FAM135B: variants seen among roughly 807,000 people sequenced by gnomAD.
The protein encoded by FAM135B is protein FAM135B.
Under a neutral mutation model 127.7 loss-of-function variants are expected in FAM135B, and 43 were observed. That is an observed-to-expected ratio of 0.34 (90% CI 0.26 to 0.43). The LOEUF is 0.43. Among genes scored for constraint, FAM135B ranks in the 20% least tolerant of loss-of-function variants. The probability of loss-of-function intolerance (pLI) is 1.00; values close to 1 mark genes in which losing one functional copy is unlikely to be tolerated. For missense variants in FAM135B, 1,558 were observed against 1,725.6 expected, an observed-to-expected ratio of 0.90 and a Z score of 1.72; for synonymous variants, 670 against 665.1, an observed-to-expected ratio of 1.01 and a Z score of -0.11.
chr8:138,308,685 C>T (rs1485691038), intron 3 of FAM135B, among the ~76,000 whole-genome samples: 2 of 151,946 alleles, frequency 1.3e-5, no homozygotes, highest in South Asian at 4.2e-4. Flanking sequence ...CCTTCTCTTC[C>T]CCCATTACTC....
chr8:138,425,038 C>T (rs1234572581), intron 1 of FAM135B, among the ~76,000 whole-genome samples: 1 of 152,154 alleles, frequency 6.6e-6, no homozygotes, highest in East Asian at 1.9e-4. Context: ...ACAAATTCAT[C>T]CCAAAGCCAT....
chr8:138,411,282 C>T lies in FAM135B; in HGVS notation c.-19-43280G>A, dbSNP rs1328444347. Among the ~76,000 whole-genome samples, 5 of 151,934 alleles carry T rather than the reference C, an allele frequency of 3.3e-5. No homozygotes were observed. In the South Asian group the frequency reaches 6.3e-4, roughly 19 times the overall value. ...AACCAAAACAGCATGGTACTGGTACCGAAACAGAGATATAGATCAATGGAA... is the reference window on the plus strand; with the variant it reads ...AACCAAAACAGCATGGTACTGGTACTGAAACAGAGATATAGATCAATGGAA... On this transcript the variant is annotated intron_variant, in intron 1 of 19. Coordinates refer to ENST00000395297, the MANE Select transcript of FAM135B (RefSeq NM_015912.4).
At chr8:138,309,001 T>C (rs1826466009) in intron 3 of FAM135B, 2 of 455,096 alleles carry the variant, frequency 4.4e-6, no homozygotes, top group South Asian at 3.1e-5. Flanking sequence ...CTTGTGCTGG[T>C]TCTTGTTCTG....
At chr8:138,330,430 T>C (rs1194359899) in intron 2 of FAM135B, among the ~76,000 whole-genome samples, 1 of 152,168 alleles carries the variant, frequency 6.6e-6, no homozygotes, top group Non-Finnish European at 1.5e-5. Flanking sequence ...CCACAAAGAA[T>C]ACTCATCTCA....
chr8:138,479,627 G>A (rs1053929689), intron 1 of FAM135B, among the ~76,000 whole-genome samples: 1 of 151,998 alleles, frequency 6.6e-6, no homozygotes, highest in Non-Finnish European at 1.5e-5. Context: ...CCTGGAGTTG[G>A]GCACCCTAGG....
chr8:138,419,260 G>A (rs1314413285), intron 1 of FAM135B, among the ~76,000 whole-genome samples: 1 of 152,048 alleles, frequency 6.6e-6, no homozygotes, highest in Non-Finnish European at 1.5e-5. Context: ...AAATGACAAA[G>A]AATGGTGTTA....
At chr8:138,496,124 G>A (rs531404169) in intron 1 of FAM135B, among the ~76,000 whole-genome samples, 1 of 152,268 alleles carries the variant, frequency 6.6e-6, no homozygotes, top group Admixed American at 6.5e-5. Context: ...TACTTGCCTC[G>A]TCTAAACATC....
intron 7 of FAM135B, among the ~76,000 whole-genome samples, chr8:138,228,240 C>A (rs776648741): frequency 6.8e-6 from 1 of 147,788 alleles, no homozygotes; most frequent in East Asian, 1.9e-4. Context: ...ACATCAGAAT[C>A]ATGGGGTAAT....
At chr8:138,454,809 C>G (rs973600319) in intron 1 of FAM135B, among the ~76,000 whole-genome samples, 1 of 152,230 alleles carries the variant, frequency 6.6e-6, no homozygotes, top group Non-Finnish European at 1.5e-5. Flanking sequence ...AGGCATCTAT[C>G]TACTCCTTGT....
rs1022383785 is a variant in FAM135B at position 138,130,936 on chromosome 8, A to G, written c.*1657T>C. ...GGACTCACTGAGAAACCCTAAATCCATTGTGTGGAACTCTGCCTTTGCAAG... is the reference window on the plus strand; with the variant it reads ...GGACTCACTGAGAAACCCTAAATCCGTTGTGTGGAACTCTGCCTTTGCAAG... On this transcript the variant is annotated 3_prime_UTR_variant, in exon 20 of 20. Coordinates refer to ENST00000395297, the MANE Select transcript of FAM135B (RefSeq NM_015912.4). 3 of 152,196 alleles carry G rather than the reference A, an allele frequency of 2.0e-5. No individual in the cohort carries two copies. Among genetic ancestry groups the G allele is most frequent in the African/African-American group, 7.2e-5 (3 of 41,428 alleles). 9.4% of individuals were successfully genotyped at this position (152,196 alleles called of 1,614,324 possible).
At chr8:138,428,646 C>G (rs1835031107) in intron 1 of FAM135B, among the ~76,000 whole-genome samples, 1 of 152,076 alleles carries the variant, frequency 6.6e-6, no homozygotes, top group African/African-American at 2.4e-5. Flanking sequence ...CCCACTGATT[C>G]TTGATACTTT....
At chr8:138,415,642 C>T (rs753506141) in intron 1 of FAM135B, among the ~76,000 whole-genome samples, 4 of 152,076 alleles carry the variant, frequency 2.6e-5, no homozygotes, top group Non-Finnish European at 5.9e-5. Flanking sequence ...GGAAAAAAGC[C>T]GAGGATGACT....
At chr8:138,336,777 T>C (rs559011473) in intron 2 of FAM135B, among the ~76,000 whole-genome samples, 4 of 152,168 alleles carry the variant, frequency 2.6e-5, no homozygotes, top group Non-Finnish European at 5.9e-5. Flanking sequence ...ATCATCCTGA[T>C]ACCAAAGCCT....
chr8:138,167,219 G>A (rs1820016441), intron 12 of FAM135B, among the ~76,000 whole-genome samples: 1 of 152,088 alleles, frequency 6.6e-6, no homozygotes, highest in Admixed American at 6.5e-5. Context: ...TTGAGGGGAT[G>A]GAGTCTTGCT....
At chr8:138,336,349 T>C (rs867926830) in intron 2 of FAM135B, among the ~76,000 whole-genome samples, 18 of 152,180 alleles carry the variant, frequency 1.2e-4, no homozygotes, top group Middle Eastern at 3.4e-3. Flanking sequence ...ACAAAATTGA[T>C]AGACCTCTAG....
chr8:138,449,546 T>G (rs6984157), intron 1 of FAM135B, among the ~76,000 whole-genome samples: 152,284 of 152,286 alleles, frequency 1, 76,141 homozygotes, highest in Non-Finnish European at 1. Context: ...GAAGCAGTCA[T>G]GGGCCCACCA....
chr8:138,481,811 G>A (rs1814790490), intron 1 of FAM135B, among the ~76,000 whole-genome samples: 1 of 152,152 alleles, frequency 6.6e-6, no homozygotes, highest in Non-Finnish European at 1.5e-5. Flanking sequence ...GCCTCTTCAG[G>A]GAATTGTCCT....
At chr8:138,250,785 C>T (rs780701734) in intron 6 of FAM135B, 56 bp downstream of exon 6, 16 of 1,590,714 alleles carry the variant, frequency 1.0e-5, no homozygotes, top group African/African-American at 1.3e-5. Context: ...GCCCCTCTAC[C>T]ACACCTGCAA....
intron 7 of FAM135B, among the ~76,000 whole-genome samples, chr8:138,239,273 T>C (rs1006785451): frequency 1.3e-5 from 2 of 152,048 alleles, no homozygotes; most frequent in East Asian, 1.9e-4. Flanking sequence ...GAGATGGTAT[T>C]TCATTGTGGT....
Sources: gnomAD v4.1 joint callset for allele counts (sites outside exome capture counted in the v4.1 genomes callset) on GRCh38, gnomAD v4.1.1 for gene constraint, MANE v1.5 for transcripts, NCBI Gene and HGNC (gene_info 2026-07-23, HGNC 2026-07-21) for gene names.